The following CERKL variants were observed in gnomAD, a reference collection of about 807,000 sequenced individuals.
CERKL encodes ceramide kinase-like protein.
CERKL carries 61 observed loss-of-function variants against 63.4 expected under a neutral mutation model. That is an observed-to-expected ratio of 0.96 (90% CI 0.78 to 1.19). CERKL has a LOEUF of 1.19. Ranked by LOEUF, CERKL falls within the 50% of genes most tolerant of loss-of-function variation. The probability of loss-of-function intolerance (pLI) is 0.00; values close to 1 mark genes in which losing one functional copy is unlikely to be tolerated. For missense variants in CERKL, 675 were observed against 655.5 expected (o/e 1.03, Z -0.33); for synonymous variants, 250 against 230.5 (o/e 1.08, Z -0.77).
intron 1 of CERKL, among the ~76,000 whole-genome samples, chr2:181,641,680 T>C (rs1687448566): frequency 2.6e-5 from 4 of 152,204 alleles, no homozygotes; most frequent in Non-Finnish European, 5.9e-5. Context: ...ACAAACATTT[T>C]CAACTCTCCA....
rs766663317 is a variant in CERKL at position 181,547,614 on chromosome 2, T to A, written c.1268+4A>T. The A allele has an allele frequency of 1.2e-6, 2 of 1,611,416 alleles. No homozygotes were observed. The highest frequency in any genetic ancestry group is 1.7e-6 in the Non-Finnish European group (2 of 1,177,606). Reference sequence around the variant, plus strand: ...TCAACAATTCAATAAAAATGCTTACTAACCTGGTATTAGGTGCCAAGCCTC... The same window carrying A: ...TCAACAATTCAATAAAAATGCTTACAAACCTGGTATTAGGTGCCAAGCCTC... On this transcript the variant is annotated splice_donor_region_variant and intron_variant, in intron 10 of 12. Coordinates refer to ENST00000410087, the MANE Select transcript of CERKL (RefSeq NM_201548.5).
rs752924361 is a variant in CERKL at position 181,603,819 on chromosome 2, C to A, written c.481+18G>T. 6.2e-7 allele frequency: 1 copy of A among 1,612,424 alleles called. No individual in the cohort carries two copies. Among genetic ancestry groups the A allele is most frequent in the Non-Finnish European group, 8.5e-7 (1 of 1,178,938 alleles). ...AAGGAAACTGGGCTGATTAAAATTT[C>A]CCATGAGGAGTACTTACCTGCCAAT... On this transcript the variant is annotated intron_variant, in intron 2 of 12. Transcript: ENST00000410087.
chr2:181,547,937 T>C (rs1687808222), intron 8 of CERKL, 90 bp from the exon 9 acceptor site: 2 of 1,239,202 alleles, frequency 1.6e-6, no homozygotes, highest in African/African-American at 1.6e-5. Context: ...TATGAGAAAA[T>C]TAGAGAACTC....
chr2:181,572,126 C>T (rs373878510), intron 3 of CERKL, among the ~76,000 whole-genome samples: 2 of 152,080 alleles, frequency 1.3e-5, no homozygotes, highest in African/African-American at 2.4e-5. Flanking sequence ...CTCCGCCCCC[C>T]CTCCCAACTT....
At chr2:181,643,921 T>C (rs1687557775) in intron 1 of CERKL, among the ~76,000 whole-genome samples, 1 of 152,226 alleles carries the variant, frequency 6.6e-6, no homozygotes, top group Admixed American at 6.5e-5. Flanking sequence ...AAAAAATGCC[T>C]GACTCTTCTG....
chr2:181,573,618 C>G (rs913704543), intron 3 of CERKL, 135 bp downstream of exon 3: 2 of 561,504 alleles, frequency 3.6e-6, no homozygotes, highest in Non-Finnish European at 6.2e-6. Flanking sequence ...GAGCTGGCTG[C>G]AGTAGGTTAT....
At position 181,617,628 on chromosome 2, in the gene CERKL, C is replaced by T. The variant is rs1686254965; in HGVS notation, c.239-13549G>A. On this transcript the variant is annotated intron_variant, in intron 1 of 12. Coordinates refer to ENST00000410087, the MANE Select transcript of CERKL (RefSeq NM_201548.5). ...TAAAATATATTATAATAAAAATTAT[C>T]AACATTTAGAAACTGTATAATAGTA... Among the ~76,000 whole-genome samples, 4 of 152,108 alleles carry T rather than the reference C, an allele frequency of 2.6e-5. No individual in the cohort carries two copies. In the South Asian group the frequency reaches 8.3e-4, roughly 32 times the overall value.
intron 1 of CERKL, among the ~76,000 whole-genome samples, chr2:181,606,525 T>A (rs1300016070): frequency 2.8e-4 from 1 of 3,630 alleles, no homozygotes; most frequent in Non-Finnish European, 5.2e-4. Context: ...GAGGAGAGGG[T>A]AGGGGAGAGG....
At chr2:181,597,843 G>A (rs565030797) in intron 2 of CERKL, among the ~76,000 whole-genome samples, 6 of 152,048 alleles carry the variant, frequency 3.9e-5, no homozygotes, top group Non-Finnish European at 8.8e-5. Context: ...GGGCCAGCAA[G>A]TTCCCAGGGA....
At chr2:181,548,284 A>T (rs1057192235) in intron 8 of CERKL, 1 of 532,994 alleles carries the variant, frequency 1.9e-6, no homozygotes. Context: ...AAGGAAAGAA[A>T]GGGGAAGGGA....
chr2:181,572,698 CTT>C (rs1045718745), intron 3 of CERKL, among the ~76,000 whole-genome samples: 4 of 150,748 alleles, frequency 2.7e-5, no homozygotes, highest in Admixed American at 2.6e-4. Flanking sequence ...AAAAATTCCT[CTT>C]GAGTTTTTCA....
At chr2:181,581,928 GCTGA>G (rs997540885) in intron 2 of CERKL, among the ~76,000 whole-genome samples, 19 of 152,340 alleles carry the variant, frequency 1.2e-4, no homozygotes, top group African/African-American at 3.8e-4. Context: ...TTGCAGTGAT[GCTGA>G]CTAACATCTG....
intron 2 of CERKL, among the ~76,000 whole-genome samples, chr2:181,582,516 C>CATATATATATATATATATATATAT (rs59483712): frequency 2.1e-5 from 3 of 142,934 alleles, no homozygotes; most frequent in African/African-American, 7.8e-5. Context: ...ATATTGTCAA[C>CATATATATATATATATATATATAT]ATATATATAT....
chr2:181,617,019 C>A (rs535442554), intron 1 of CERKL, among the ~76,000 whole-genome samples: 2 of 152,214 alleles, frequency 1.3e-5, no homozygotes, highest in South Asian at 4.1e-4. Context: ...AACATTTGCA[C>A]TAAAGGTACA....
intron 5 of CERKL, among the ~76,000 whole-genome samples, chr2:181,553,968 C>G (rs530691512): frequency 6.6e-6 from 1 of 152,198 alleles, no homozygotes; most frequent in South Asian, 2.1e-4. Flanking sequence ...AATGTTCTCA[C>G]AAAAGCTATA....
intron 3 of CERKL, 44 bp downstream of exon 3, chr2:181,573,709 T>C: frequency 6.3e-7 from 1 of 1,576,248 alleles, no homozygotes; most frequent in Non-Finnish European, 8.7e-7. Flanking sequence ...TTTGCTTTTG[T>C]ATGTTTTTGT....
intron 1 of CERKL, among the ~76,000 whole-genome samples, chr2:181,637,220 G>A (rs1359179265): frequency 6.6e-6 from 1 of 152,028 alleles, no homozygotes; most frequent in Non-Finnish European, 1.5e-5. Context: ...CCTTTTGAAA[G>A]AATTTGGTAA....
chr2:181,570,160 T>C (rs1688843603), intron 3 of CERKL, among the ~76,000 whole-genome samples: 1 of 152,200 alleles, frequency 6.6e-6, no homozygotes, highest in African/African-American at 2.4e-5. Context: ...GTGCCTTTTC[T>C]AATCTGCCCA....
At chr2:181,651,425 G>C (rs1574071239) in intron 1 of CERKL, among the ~76,000 whole-genome samples, 1 of 152,144 alleles carries the variant, frequency 6.6e-6, no homozygotes, top group African/African-American at 2.4e-5. Flanking sequence ...AAAACTGTAT[G>C]ATCATTTTAA....
Sources: allele counts gnomAD v4.1 joint callset (sites outside exome capture counted in the v4.1 genomes callset), GRCh38; gene constraint gnomAD v4.1.1; transcripts MANE v1.5; gene names NCBI Gene and HGNC (gene_info 2026-07-23, HGNC 2026-07-21).